Variants in PCDHA6 observed in about 807,000 individuals in gnomAD.
The protein encoded by PCDHA6 is protocadherin alpha-6.
PCDHA6 carries 55 observed loss-of-function variants against 60.3 expected under a neutral mutation model. The ratio of observed to expected loss-of-function variants is 0.91; its 90% CI spans 0.73 to 1.14. PCDHA6 has a LOEUF of 1.14. Among genes scored for constraint, PCDHA6 ranks in the 50% most tolerant of loss-of-function variants. The probability of loss-of-function intolerance (pLI) is 0.00; values close to 1 mark genes in which losing one functional copy is unlikely to be tolerated. For missense variants in PCDHA6, 1,327 were observed against 1,256.5 expected (o/e 1.06, Z -0.85); for synonymous variants, 652 against 557.9 (o/e 1.17, Z -2.38).
chr5:140,853,436 T>C (rs1442377806), intron 1 of PCDHA6: 3 of 984,616 alleles, frequency 3.0e-6, no homozygotes, highest in African/African-American at 3.5e-5. Flanking sequence ...CACTTTCCTA[T>C]TTTGCCTAAT....
Position 140,927,144 on chromosome 5 carries a change from A to T in PCDHA6, c.2395-51805A>T, listed in dbSNP as rs116743674. 1.1e-5 allele frequency: 18 copies of T among 1,614,102 alleles called. No individual in the cohort carries two copies. The South Asian group carries it at 1.9e-4, about 17-fold the overall frequency. On this transcript the variant is annotated intron_variant, in intron 1 of 3. Transcript: ENST00000529310. Reference sequence around the variant, plus strand: ...TGGTCAGAGAGCCGGCGGACCGCGAACAGCTGTGCAGGGCCAAAGCTGCCT... The same window carrying T: ...TGGTCAGAGAGCCGGCGGACCGCGATCAGCTGTGCAGGGCCAAAGCTGCCT...
chr5:140,963,941 G>A lies in PCDHA6; in HGVS notation c.2395-15008G>A, dbSNP rs1434019587. Among the ~76,000 whole-genome samples the A allele has an allele frequency of 7.9e-5, 12 of 152,320 alleles. No homozygotes were observed. In the East Asian group the frequency reaches 9.6e-4, roughly 12 times the overall value. On this transcript the variant is annotated intron_variant, in intron 1 of 3. Coordinates refer to ENST00000529310, the MANE Select transcript of PCDHA6 (RefSeq NM_018909.4). ...TAAGTAACATGTCCATAGCCAAACAGTTAGTCACTGGCAGGAGTGTGACTG... is the reference window on the plus strand; with the variant it reads ...TAAGTAACATGTCCATAGCCAAACAATTAGTCACTGGCAGGAGTGTGACTG...
chr5:140,850,946 T>A (rs2150503431), intron 1 of PCDHA6: 1 of 1,504,084 alleles, frequency 6.6e-7, no homozygotes, highest in East Asian at 2.3e-5. Flanking sequence ...AAAGATATTA[T>A]CGATTACTCC....
rs371830340 is a variant in PCDHA6 at position 140,947,864 on chromosome 5, C to G, written c.2395-31085C>G. Reference sequence around the variant, plus strand: ...TTTATTTATTTTGTCATTATAATGGCTAGGACTTCCAGGACAATATAAACA... The same window carrying G: ...TTTATTTATTTTGTCATTATAATGGGTAGGACTTCCAGGACAATATAAACA... On this transcript the variant is annotated intron_variant, in intron 1 of 3. Coordinates refer to ENST00000529310, the MANE Select transcript of PCDHA6 (RefSeq NM_018909.4). Among the ~76,000 whole-genome samples the G allele has an allele frequency of 1.4e-4, 21 of 151,554 alleles. No homozygotes were observed. The East Asian group carries it at 2.3e-3, about 17-fold the overall frequency.
At chr5:140,971,692 C>G (rs2096492766) in intron 1 of PCDHA6, among the ~76,000 whole-genome samples, 1 of 152,116 alleles carries the variant, frequency 6.6e-6, no homozygotes, top group South Asian at 2.1e-4. Context: ...TTTGTACTCA[C>G]TAACCACCCT....
intron 1 of PCDHA6, chr5:140,927,125 G>C (rs782734791): frequency 6.2e-7 from 1 of 1,614,076 alleles, no homozygotes; most frequent in Admixed American, 1.7e-5. Flanking sequence ...TTGGTGGTCA[G>C]AGAGCCGGCG....
intron 1 of PCDHA6, chr5:140,842,442 T>G (rs1777952178): frequency 1.2e-6 from 2 of 1,613,802 alleles, no homozygotes; most frequent in Non-Finnish European, 1.7e-6. Flanking sequence ...CTAATTAGCG[T>G]GAACGACCTC....
At chr5:140,925,682 G>A (rs1554202871) in intron 1 of PCDHA6, among the ~76,000 whole-genome samples, 1 of 122,672 alleles carries the variant, frequency 8.2e-6, no homozygotes, top group Non-Finnish European at 1.8e-5. Context: ...ATAATAAAGC[G>A]AGGGTGGGTA....
Position 140,901,601 on chromosome 5 carries a change from A to T in PCDHA6, c.2394+71116A>T, listed in dbSNP as rs1448240708. Among the ~76,000 whole-genome samples, 3 of 152,078 alleles carry T rather than the reference A, an allele frequency of 2.0e-5. 1 individual carries two copies. The highest frequency in any genetic ancestry group is 1.3e-4 in the Admixed American group (2 of 15,264). On this transcript the variant is annotated intron_variant, in intron 1 of 3. Transcript: ENST00000529310. Reference sequence around the variant, plus strand: ...AGTGCCATGATGTTTTGGTTACTATATCTCTATGGTATAATTTGAAGTCAG... The same window carrying T: ...AGTGCCATGATGTTTTGGTTACTATTTCTCTATGGTATAATTTGAAGTCAG...
rs2150170592 is a variant in PCDHA6, at chr5:140,829,585, G to T, written c.1494G>T (p.Arg498=). The change falls in exon 1 of 4, where the codon CGG becomes CGT. Residue 498 remains arginine (R), a synonymous_variant. Transcript: ENST00000529310. ...TGTCCTACTCGCTGGTGGAGCGGCG[G>T]GTGGGCGAGCGCGCGTTGTCGAGCT... is the stretch of plus-strand genomic sequence containing the variant. ...ALVSYSLVER[R]VGERALSSYI... is the part of the protein sequence containing the mutation. 1.2e-5 allele frequency: 20 copies of T among 1,612,244 alleles called. No homozygotes were observed. Among genetic ancestry groups the T allele is most frequent in the Non-Finnish European group, 1.6e-5 (19 of 1,179,798 alleles).
At position 140,924,955 on chromosome 5, in the gene PCDHA6, T is replaced by C. The variant is rs571597374; in HGVS notation, c.2395-53994T>C. Among the ~76,000 whole-genome samples, 96 of 145,332 alleles carry C rather than the reference T, an allele frequency of 6.6e-4. 1 individual carries two copies. The South Asian group carries it at 0.02, about 30-fold the overall frequency. The stretch of plus-strand genomic sequence containing the variant: ...ATAAAATAAAAAGTTAAAAAAAAAA[T>C]GCAAGGTGAGTGCAGTGGCTCATGT... On this transcript the variant is annotated intron_variant, in intron 1 of 3. Transcript: ENST00000529310.
intron 1 of PCDHA6, chr5:140,850,445 G>A: frequency 6.3e-7 from 1 of 1,597,998 alleles, no homozygotes; most frequent in Non-Finnish European, 8.6e-7. Context: ...TACTGGTGCT[G>A]GTGAAAGACC....
chr5:140,850,242 C>T (rs2150475130), intron 1 of PCDHA6: 4 of 1,593,608 alleles, frequency 2.5e-6, no homozygotes, highest in African/African-American at 1.3e-5. Flanking sequence ...GATGGTGCTG[C>T]GGTCGGTGGG....
intron 1 of PCDHA6, among the ~76,000 whole-genome samples, chr5:140,960,750 A>C (rs1367583531): frequency 6.6e-6 from 1 of 152,048 alleles, no homozygotes; most frequent in African/African-American, 2.4e-5. Context: ...CATGGCTAAA[A>C]TCCCAAGAGT....
At chr5:140,992,805 A>G (rs2097529327) in intron 3 of PCDHA6, among the ~76,000 whole-genome samples, 1 of 152,078 alleles carries the variant, frequency 6.6e-6, no homozygotes, top group Non-Finnish European at 1.5e-5. Flanking sequence ...ATCCATATGT[A>G]TCTAAGGATG....
intron 1 of PCDHA6, chr5:140,858,292 C>T (rs1554151391): frequency 6.3e-7 from 1 of 1,597,508 alleles, no homozygotes; most frequent in East Asian, 2.2e-5. Context: ...GCTGGTCTTA[C>T]TCGCAGCAGA....
intron 1 of PCDHA6, chr5:140,850,039 G>A (rs1554143677): frequency 1.3e-6 from 2 of 1,596,568 alleles, no homozygotes; most frequent in African/African-American, 2.7e-5. Flanking sequence ...GCGGAGAGCG[G>A]CAAGGTGTAC....
At position 140,829,210 on chromosome 5, in the gene PCDHA6, C is replaced by G. The variant is rs375156998; in HGVS notation, c.1119C>G (p.Ser373Arg). 3 of 1,614,110 alleles carry G rather than the reference C, an allele frequency of 1.9e-6. No individual in the cohort carries two copies. Among genetic ancestry groups the G allele is most frequent in the Non-Finnish European group, 2.5e-6 (3 of 1,180,048 alleles). The change falls in exon 1 of 4, where the codon AGC becomes AGG. Residue 373 changes from serine (S) to arginine (R), a missense_variant. Physicochemically the swap from Ser to Arg is moderately radical, Grantham distance 110 (BLOSUM62 -1). Transcript: ENST00000529310. ...AQFGTVIALISVNDLDSGANG... is the reference protein window; with the variant it reads ...AQFGTVIALIRVNDLDSGANG... ...TTGGTACTGTCATCGCCCTAATTAGCGTGAACGACCTCGATTCAGGTGCCA... is the reference window on the plus strand; with the variant it reads ...TTGGTACTGTCATCGCCCTAATTAGGGTGAACGACCTCGATTCAGGTGCCA...
intron 1 of PCDHA6, chr5:140,849,716 G>A (rs2150446385): frequency 1.3e-6 from 2 of 1,598,596 alleles, no homozygotes; most frequent in Non-Finnish European, 1.7e-6. Flanking sequence ...ACTACTCGTT[G>A]GTGCTGGACA....
Sources: gnomAD v4.1 joint callset for allele counts (sites outside exome capture counted in the v4.1 genomes callset) on GRCh38, gnomAD v4.1.1 for gene constraint, MANE v1.5 for transcripts, NCBI Gene and HGNC (gene_info 2026-07-23, HGNC 2026-07-21) for gene names.